NSUN4: variants seen among roughly 807,000 people sequenced by gnomAD.
NSUN4 encodes the protein 5-cytosine rRNA methyltransferase NSUN4.
NSUN4 carries 31 observed loss-of-function variants against 43.8 expected under a neutral mutation model. The observed-to-expected ratio is 0.71, with a 90% CI of 0.53 to 0.96. The LOEUF (loss-of-function observed/expected upper bound fraction) is 0.96. NSUN4 is among the 40% of genes least tolerant of loss of function. The pLI is 0.00. For missense variants in NSUN4, 439 were observed against 475.6 expected (o/e 0.92, Z 0.72); for synonymous variants, 167 against 184.1 (o/e 0.91, Z 0.75).
chr1:46,358,379 A>G (rs1663543746), intron 4 of NSUN4, among the ~76,000 whole-genome samples: 2 of 143,180 alleles, frequency 1.4e-5, no homozygotes, highest in Non-Finnish European at 3.0e-5. Context: ...TATAGGCATG[A>G]GCTACTGCTC....
chr1:46,354,041 A>G (rs1011466434), intron 4 of NSUN4, among the ~76,000 whole-genome samples: 1 of 152,184 alleles, frequency 6.6e-6, no homozygotes, highest in Non-Finnish European at 1.5e-5. Flanking sequence ...TTTTTTTGCC[A>G]AATGGATAGT....
chr1:46,361,431 T>G (rs1251195996), intron 5 of NSUN4, 139 bp from the exon 6 acceptor site: 2 of 715,454 alleles, frequency 2.8e-6, no homozygotes, highest in Non-Finnish European at 4.6e-6. Flanking sequence ...AGTGTCATTG[T>G]GGAAGGGACT....
At chr1:46,344,494 G>A (rs1276528562) in intron 1 of NSUN4, among the ~76,000 whole-genome samples, 1 of 152,192 alleles carries the variant, frequency 6.6e-6, no homozygotes, top group Non-Finnish European at 1.5e-5. Context: ...ATCTTCTGCA[G>A]GCTCTCCTCA....
At chr1:46,366,727 A>AAAAAGAAAAAAG, downstream of NSUN4, among the ~76,000 whole-genome samples, 1 of 127,900 alleles carries the variant, frequency 7.8e-6, no homozygotes, top group Non-Finnish European at 1.7e-5. Flanking sequence ...AAAAAAAAAA[A>AAAAAGAAAAAAG]AAGTGGGTAG....
chr1:46,370,147 G>A (rs1664212711), downstream of NSUN4, among the ~76,000 whole-genome samples: 1 of 152,132 alleles, frequency 6.6e-6, no homozygotes, highest in African/African-American at 2.4e-5. Flanking sequence ...GGGGAGAACT[G>A]GGGGAATTGG....
At chr1:46,375,736 C>CAAA in the NSUN4 span, among the ~76,000 whole-genome samples, 442 of 69,752 alleles carry the variant, frequency 6.3e-3, 9 homozygotes, top group African/African-American at 0.021. Flanking sequence ...GACTCTGTCT[C>CAAA]AAAAAAAAAA....
At chr1:46,383,451 T>TG in the NSUN4 span, among the ~76,000 whole-genome samples, 825 of 145,038 alleles carry the variant, frequency 5.7e-3, 12 homozygotes, top group African/African-American at 0.02. Flanking sequence ...GGCTGGTGTT[T>TG]TTTTTTTTTT....
Position 46,356,698 on chromosome 1 carries a change from AAAAAG to A in NSUN4, c.753+3673_753+3677del, listed in dbSNP as rs199607637. On this transcript the variant is annotated intron_variant, in intron 4 of 5. Coordinates refer to ENST00000474844, the MANE Select transcript of NSUN4 (RefSeq NM_199044.4). ...ACAGCGAGATTCCGTCTCAAAAAAA[AAAAAG>A]AAGAAGAAGAAGAAGAATACTACTT... Among the ~76,000 whole-genome samples, 489 of 146,490 alleles carry A rather than the reference AAAAAG, an allele frequency of 3.3e-3. 2 individuals carry two copies. The highest frequency in any genetic ancestry group is 0.014 in the East Asian group (71 of 5,152).
intron 3 of NSUN4, among the ~76,000 whole-genome samples, chr1:46,348,999 G>A (rs1662763105): frequency 6.6e-6 from 1 of 151,604 alleles, no homozygotes; most frequent in Non-Finnish European, 1.5e-5. Flanking sequence ...ATTTTTAGTA[G>A]AGATGGGGTT....
the NSUN4 span, among the ~76,000 whole-genome samples, chr1:46,377,353 G>T: frequency 1.3e-5 from 2 of 151,874 alleles, no homozygotes; most frequent in African/African-American, 4.8e-5. Flanking sequence ...CCCAACCAGA[G>T]TTCTTTAAAT....
At chr1:46,349,670 T>G (rs912622845) in intron 3 of NSUN4, among the ~76,000 whole-genome samples, 3 of 152,220 alleles carry the variant, frequency 2.0e-5, no homozygotes, top group Non-Finnish European at 4.4e-5. Flanking sequence ...TCCAGCCTTA[T>G]GATAGGCATT....
At chr1:46,347,145 A>G (rs757952638) in intron 3 of NSUN4, 70 bp downstream of exon 3, 344 of 1,522,412 alleles carry the variant, frequency 2.3e-4, no homozygotes, top group Non-Finnish European at 2.9e-4. Flanking sequence ...TACATTTAAT[A>G]TGGTAGGTTC....
chr1:46,350,469 C>T (rs921833958), intron 3 of NSUN4, among the ~76,000 whole-genome samples: 1 of 152,210 alleles, frequency 6.6e-6, no homozygotes, highest in African/African-American at 2.4e-5. Flanking sequence ...CATTCTTTAC[C>T]ATTCCCACCC....
chr1:46,366,736 A>G (rs1229151486), downstream of NSUN4, among the ~76,000 whole-genome samples: 1 of 138,898 alleles, frequency 7.2e-6, no homozygotes, highest in African/African-American at 2.6e-5. Flanking sequence ...AAAAGTGGGT[A>G]GAGAACCAAG....
chr1:46,351,629 C>T (rs1348674585), intron 3 of NSUN4, among the ~76,000 whole-genome samples: 2 of 149,810 alleles, frequency 1.3e-5, no homozygotes, highest in African/African-American at 4.9e-5. Context: ...AATTCAAGAC[C>T]TACCTGGGCA....
chr1:46,360,470 G>A (rs1157553895), intron 4 of NSUN4, among the ~76,000 whole-genome samples: 1 of 150,782 alleles, frequency 6.6e-6, no homozygotes, highest in Admixed American at 6.6e-5. Context: ...TTACTTGTGT[G>A]TTAGTTTTGG....
intron 3 of NSUN4, among the ~76,000 whole-genome samples, chr1:46,347,634 C>T (rs1361143788): frequency 6.6e-6 from 1 of 152,006 alleles, no homozygotes; most frequent in African/African-American, 2.4e-5. Flanking sequence ...ATGATACACA[C>T]TCCTCTTCAT....
the NSUN4 span, among the ~76,000 whole-genome samples, chr1:46,374,069 C>A: frequency 2.0e-5 from 3 of 151,760 alleles, no homozygotes; most frequent in Non-Finnish European, 2.9e-5. Context: ...GGTGGATTAC[C>A]TGAGGTCAGG....
chr1:46,341,560 T>A (rs1032563388), intron 1 of NSUN4: 5 of 1,156,218 alleles, frequency 4.3e-6, no homozygotes, highest in Non-Finnish European at 5.3e-6. Context: ...TTTTCTTGCC[T>A]CACTGGAAGC....
Sources: allele counts gnomAD v4.1 joint callset (sites outside exome capture counted in the v4.1 genomes callset), GRCh38; gene constraint gnomAD v4.1.1; transcripts MANE v1.5; gene names NCBI Gene and HGNC (gene_info 2026-07-23, HGNC 2026-07-21).